PSD3: variants seen among roughly 807,000 people sequenced by gnomAD.
The protein encoded by PSD3 is PH and SEC7 domain-containing protein 3.
In PSD3, 49 loss-of-function variants were observed where a neutral mutation model predicts 105.5. The ratio of observed to expected loss-of-function variants is 0.46; its 90% confidence interval spans 0.37 to 0.59. The LOEUF (loss-of-function observed/expected upper bound fraction) is 0.59, where lower values mean the gene tolerates loss of function less well. PSD3 is among the 20% of genes least tolerant of loss of function. PSD3 has a pLI of 0.00. For missense variants in PSD3, 1,561 were observed against 1,263.8 expected (o/e 1.24, Z -3.57); for synonymous variants, 557 against 457.8 (o/e 1.22, Z -2.77).
intron 4 of PSD3, among the ~76,000 whole-genome samples, chr8:18,851,374 T>A (rs76661063): frequency 2.6e-5 from 4 of 152,120 alleles, no homozygotes; most frequent in African/African-American, 9.7e-5. Context: ...AATATAACAA[T>A]AGACCAAAGG....
rs1345757956 is a variant in PSD3, at chr8:18,535,992, A to C, written c.2929-34T>G. 2.5e-6 allele frequency: 4 copies of C among 1,584,262 alleles called. No homozygotes were observed. In the Admixed American group the frequency reaches 6.7e-5, roughly 26 times the overall value. On this transcript the variant is annotated intron_variant, in intron 15 of 15. Transcript: ENST00000327040. ...AAAGCCAGAGAACAACGGTAGTCAGAAAACTGTTCAAAATGCACGTGTGCA... is the reference window on the plus strand; with the variant it reads ...AAAGCCAGAGAACAACGGTAGTCAGCAAACTGTTCAAAATGCACGTGTGCA...
intron 2 of PSD3, among the ~76,000 whole-genome samples, chr8:18,909,396 G>C (rs577004769): frequency 4.6e-5 from 7 of 152,232 alleles, no homozygotes; most frequent in African/African-American, 1.4e-4. Context: ...TTGCATAAAG[G>C]CACAGATAAC....
chr8:18,821,458 A>C (rs1234654760), intron 4 of PSD3, among the ~76,000 whole-genome samples: 1 of 152,146 alleles, frequency 6.6e-6, no homozygotes, highest in Non-Finnish European at 1.5e-5. Context: ...CATGAAAAAA[A>C]ATTACAGGTT....
chr8:18,605,642 G>C (rs1347378506), intron 11 of PSD3, among the ~76,000 whole-genome samples: 1 of 152,162 alleles, frequency 6.6e-6, no homozygotes, highest in Non-Finnish European at 1.5e-5. Flanking sequence ...GGGGCGGAAT[G>C]ATATGGTTTA....
intron 4 of PSD3, among the ~76,000 whole-genome samples, chr8:18,824,223 C>A (rs961801620): frequency 2.0e-5 from 3 of 152,136 alleles, no homozygotes; most frequent in African/African-American, 7.2e-5. Flanking sequence ...GTCAATTTTC[C>A]AAAGACACAA....
chr8:18,811,121 G>C (rs1811644256), intron 4 of PSD3, among the ~76,000 whole-genome samples: 1 of 152,140 alleles, frequency 6.6e-6, no homozygotes, highest in Non-Finnish European at 1.5e-5. Context: ...AAACCTAATA[G>C]GTTAACAATG....
At chr8:18,866,472 T>C (rs995256515) in intron 4 of PSD3, among the ~76,000 whole-genome samples, 1 of 152,194 alleles carries the variant, frequency 6.6e-6, no homozygotes, top group Non-Finnish European at 1.5e-5. Context: ...ACTGGATCAT[T>C]AACCCCATTT....
chr8:18,695,939 C>T (rs1161411422), intron 9 of PSD3, among the ~76,000 whole-genome samples: 2 of 152,190 alleles, frequency 1.3e-5, no homozygotes, highest in Admixed American at 6.5e-5. Flanking sequence ...AAGCTGGTAA[C>T]AGGAACGGGG....
intron 3 of PSD3, among the ~76,000 whole-genome samples, chr8:18,870,110 G>T (rs973203549): frequency 2.6e-5 from 4 of 152,098 alleles, no homozygotes; most frequent in Non-Finnish European, 5.9e-5. Flanking sequence ...GGAGTGGGAA[G>T]GATCCTGCCA....
Position 18,804,583 on chromosome 8 carries a change from C to T in PSD3, c.1849G>A (p.Val617Ile), listed in dbSNP as rs889073431. ...AAAAACTTCAGATATTCTTCTGCAA[C>T]TAGTTTGCTAAATTCGTTGCTATAA... ...LGKNNEFSKL[V>I]AEEYLKFFDF... Residue 617 changes from valine to isoleucine, a missense_variant, in exon 6 of 16, where the codon GTT (valine) becomes ATT (isoleucine). Val to Ile is a conservative substitution (Grantham distance 29). Transcript: ENST00000327040. 1 of 1,613,404 alleles carries T rather than the reference C, an allele frequency of 6.2e-7. No individual in the cohort carries two copies. Among genetic ancestry groups the T allele is most frequent in the African/African-American group, 1.3e-5 (1 of 74,906 alleles).
At chr8:19,070,592 C>A (rs1289925230) in intron 1 of PSD3, among the ~76,000 whole-genome samples, 1 of 152,050 alleles carries the variant, frequency 6.6e-6, no homozygotes, top group Non-Finnish European at 1.5e-5. Flanking sequence ...GCAGGAGAAT[C>A]GCTTAAATCT....
chr8:18,725,792 G>C (rs1803299248), intron 9 of PSD3, among the ~76,000 whole-genome samples: 1 of 152,164 alleles, frequency 6.6e-6, no homozygotes, highest in Non-Finnish European at 1.5e-5. Flanking sequence ...ATATAATGCA[G>C]AGACTCTAGG....
intron 11 of PSD3, among the ~76,000 whole-genome samples, chr8:18,614,568 G>T (rs1222258550): frequency 7.9e-5 from 12 of 152,036 alleles, no homozygotes; most frequent in African/African-American, 2.9e-4. Context: ...AACAAATAAG[G>T]CTTAATACAT....
chr8:18,608,836 C>A (rs10503619), intron 11 of PSD3, among the ~76,000 whole-genome samples: 4,346 of 152,198 alleles, frequency 0.029, 104 homozygotes, highest in East Asian at 0.13. Context: ...GCTATACTCT[C>A]CAACTTTTCT....
intron 1 of PSD3, among the ~76,000 whole-genome samples, chr8:19,073,227 G>A (rs891360679): frequency 6.6e-6 from 1 of 152,102 alleles, no homozygotes; most frequent in African/African-American, 2.4e-5. Flanking sequence ...GGGAATTAAT[G>A]CTACAAATTC....
intron 1 of PSD3, among the ~76,000 whole-genome samples, chr8:19,045,044 G>A (rs1267257035): frequency 6.6e-6 from 1 of 152,156 alleles, no homozygotes; most frequent in Non-Finnish European, 1.5e-5. Flanking sequence ...AATTAGCTGA[G>A]TGTGGTGGTG....
intron 8 of PSD3, among the ~76,000 whole-genome samples, chr8:18,774,228 A>G (rs1158101767): frequency 1.3e-5 from 2 of 152,196 alleles, no homozygotes; most frequent in Non-Finnish European, 2.9e-5. Flanking sequence ...CTACATATAA[A>G]CAGAGTTTTT....
intron 12 of PSD3, among the ~76,000 whole-genome samples, chr8:18,581,043 A>T (rs957543459): frequency 6.6e-6 from 1 of 152,222 alleles, no homozygotes. Flanking sequence ...CACAAAGCCC[A>T]TGACAGAAAC....
intron 12 of PSD3, among the ~76,000 whole-genome samples, chr8:18,581,117 A>T (rs1802786800): frequency 6.6e-6 from 1 of 152,134 alleles, no homozygotes; most frequent in Admixed American, 6.5e-5. Flanking sequence ...CTAGCGGATG[A>T]CTCACTCTGT....
Sources: allele counts gnomAD v4.1 joint callset (sites outside exome capture counted in the v4.1 genomes callset), GRCh38; gene constraint gnomAD v4.1.1; transcripts MANE v1.5; gene names NCBI Gene and HGNC (gene_info 2026-07-23, HGNC 2026-07-21).